Variants in PTPRF observed in about 807,000 individuals in gnomAD.
The protein encoded by PTPRF is receptor-type tyrosine-protein phosphatase F.
Under a neutral mutation model 201.8 loss-of-function variants are expected in PTPRF, and 59 were observed. The ratio of observed to expected loss-of-function variants is 0.29; its 90% confidence interval spans 0.24 to 0.36. The LOEUF (loss-of-function observed/expected upper bound fraction) is 0.36. Ranked by LOEUF, PTPRF falls within the 10% of genes least tolerant of loss-of-function variation. The probability of loss-of-function intolerance (pLI) is 1.00; values close to 1 mark genes in which losing one functional copy is unlikely to be tolerated. For missense variants in PTPRF, 2,132 were observed against 2,690.5 expected, an observed-to-expected ratio of 0.79 and a Z score of 4.59; for synonymous variants, 1,088 against 1,089.7, an observed-to-expected ratio of 1.00 and a Z score of 0.03.
intron 10 of PTPRF, 42 bp downstream of exon 10, chr1:43,591,990 C>T: frequency 6.2e-7 from 1 of 1,608,696 alleles, no homozygotes; most frequent in Non-Finnish European, 8.5e-7. Flanking sequence ...TCTCCTGGTC[C>T]CTGAGGGTCT....
At chr1:43,610,463 T>C (rs1015139794) in intron 22 of PTPRF, among the ~76,000 whole-genome samples, 1 of 152,260 alleles carries the variant, frequency 6.6e-6, no homozygotes, top group Non-Finnish European at 1.5e-5. Flanking sequence ...CAGCTTGTCT[T>C]TATTCCAGAA....
intron 3 of PTPRF, among the ~76,000 whole-genome samples, chr1:43,548,897 C>T (rs1009510575): frequency 6.6e-6 from 1 of 152,238 alleles, no homozygotes; most frequent in African/African-American, 2.4e-5. Flanking sequence ...CATAGAAGAG[C>T]CTTGATGGTG....
chr1:43,548,924 C>T lies in PTPRF; in HGVS notation c.91+3758C>T, dbSNP rs547690163. Among the ~76,000 whole-genome samples, 9 of 152,340 alleles carry T rather than the reference C, an allele frequency of 5.9e-5. No homozygotes were observed. The South Asian group carries it at 1.7e-3, about 28-fold the overall frequency. ...TTGATGGTGGCCCAGTTTGACTCTC[C>T]CTGGGGCTGGACCCCTACAGCCTCC... On this transcript the variant is annotated intron_variant, in intron 3 of 33. Coordinates refer to ENST00000359947, the MANE Select transcript of PTPRF (RefSeq NM_002840.5).
chr1:43,598,797 G>A lies in PTPRF; in HGVS notation c.2197G>A (p.Val733Ile), dbSNP rs564141034. ...TAVHVYWKLP[V>I]PSKQHGQIRG... The stretch of plus-strand genomic sequence containing the variant: ...TGTGCATGTCTACTGGAAGCTGCCT[G>A]TCCCCAGCAAGCAGCATGGCCAGAT... Residue 733 changes from valine to isoleucine, a missense_variant, in exon 13 of 34, where the codon GTC becomes ATC. By Grantham distance (29) the Val-to-Ile change is conservative. This residue lies in a region of PTPRF where 125 missense variants were observed against 211.9 expected (regional missense o/e 0.59). Transcript: ENST00000359947. 6.2e-7 allele frequency: 1 copy of A among 1,614,192 alleles called. No individual in the cohort carries two copies. The highest frequency in any genetic ancestry group is 1.1e-5 in the South Asian group (1 of 91,086).
upstream of PTPRF, among the ~76,000 whole-genome samples, chr1:43,522,364 A>G (rs1262522828): frequency 1.3e-5 from 2 of 152,090 alleles, no homozygotes; most frequent in Non-Finnish European, 2.9e-5. Flanking sequence ...TTTCCTTCCT[A>G]GTGACTGTTC....
At chr1:43,595,555 A>C (rs1447102212) in intron 11 of PTPRF, among the ~76,000 whole-genome samples, 1 of 152,212 alleles carries the variant, frequency 6.6e-6, no homozygotes, top group Non-Finnish European at 1.5e-5. Context: ...AATTTCAAGC[A>C]TATTTAAATG....
At chr1:43,586,100 T>C (rs3791139) in intron 7 of PTPRF, among the ~76,000 whole-genome samples, 45,208 of 151,970 alleles carry the variant, frequency 0.3, 7,341 homozygotes, top group Middle Eastern at 0.38. Context: ...ATAAACTTGG[T>C]CATGTGGCTT....
intron 7 of PTPRF, among the ~76,000 whole-genome samples, chr1:43,584,825 T>C (rs1648698773): frequency 6.6e-6 from 1 of 152,178 alleles, no homozygotes; most frequent in African/African-American, 2.4e-5. Flanking sequence ...CTCCTTAATG[T>C]TGTGTTATTT....
chr1:43,578,764 C>T, intron 6 of PTPRF, 46 bp from the exon 7 acceptor site: 2 of 1,457,194 alleles, frequency 1.4e-6, no homozygotes, highest in Non-Finnish European at 1.9e-6. Context: ...TTCCAGGCCA[C>T]ACTCGACATG....
At chr1:43,606,088 C>A in intron 19 of PTPRF, 152 bp from the exon 20 acceptor site, 1 of 801,362 alleles carries the variant, frequency 1.2e-6, no homozygotes, top group Non-Finnish European at 1.9e-6. Flanking sequence ...GTGTCTGTTA[C>A]TCTGTAGGGG....
intron 10 of PTPRF, 123 bp from the exon 11 acceptor site, chr1:43,592,334 G>T (rs1372313348): frequency 1.3e-5 from 16 of 1,222,102 alleles, no homozygotes; most frequent in Non-Finnish European, 1.8e-5. Context: ...TGGCCTTATG[G>T]TGTGGAGCCA....
chr1:43,534,810 C>G (rs1288357621), intron 1 of PTPRF, among the ~76,000 whole-genome samples: 2 of 152,090 alleles, frequency 1.3e-5, no homozygotes, highest in South Asian at 2.1e-4. Context: ...GTGAAGAGCT[C>G]GAGTTTTATA....
intron 1 of PTPRF, among the ~76,000 whole-genome samples, chr1:43,531,865 G>C (rs1274853197): frequency 1.3e-5 from 2 of 152,186 alleles, no homozygotes; most frequent in Non-Finnish European, 2.9e-5. Context: ...CCCCATCGCC[G>C]TGCCGGCGTC....
chr1:43,561,863 G>A (rs992012034), intron 5 of PTPRF, among the ~76,000 whole-genome samples: 2 of 152,172 alleles, frequency 1.3e-5, no homozygotes, highest in African/African-American at 4.8e-5. Flanking sequence ...TGGTACTCCT[G>A]CCTCTTCTGT....
intron 7 of PTPRF, among the ~76,000 whole-genome samples, chr1:43,584,003 T>C (rs925047242): frequency 2.6e-5 from 4 of 152,162 alleles, no homozygotes; most frequent in Non-Finnish European, 5.9e-5. Flanking sequence ...AGCCTGGAAG[T>C]GGCCCCTGAC....
intron 3 of PTPRF, among the ~76,000 whole-genome samples, chr1:43,547,775 G>A (rs1195042965): frequency 2.0e-5 from 3 of 152,216 alleles, no homozygotes; most frequent in Non-Finnish European, 4.4e-5. Context: ...AGGCCCCAGT[G>A]TCAGTGCCGC....
chr1:43,586,455 G>A (rs773713182), intron 7 of PTPRF, among the ~76,000 whole-genome samples: 1 of 152,180 alleles, frequency 6.6e-6, no homozygotes, highest in Non-Finnish European at 1.5e-5. Flanking sequence ...TTTGAGGTGC[G>A]TGCTCAGAGA....
At chr1:43,569,228 C>T (rs889631294) in intron 5 of PTPRF, among the ~76,000 whole-genome samples, 1 of 142,220 alleles carries the variant, frequency 7.0e-6, no homozygotes, top group Non-Finnish European at 1.5e-5. Context: ...AGCCCCCCCC[C>T]CCACCCCCTG....
intron 6 of PTPRF, among the ~76,000 whole-genome samples, chr1:43,570,250 C>T (rs1212034657): frequency 6.6e-6 from 1 of 152,250 alleles, no homozygotes; most frequent in Non-Finnish European, 1.5e-5. Flanking sequence ...TGTCCCTCGA[C>T]CACCAGAGCC....
Sources: gnomAD v4.1 joint callset for allele counts (sites outside exome capture counted in the v4.1 genomes callset) on GRCh38, gnomAD v4.1.1 for gene constraint, gnomAD v4.1.1 regional missense constraint, MANE v1.5 for transcripts, NCBI Gene and HGNC (gene_info 2026-07-23, HGNC 2026-07-21) for gene names.